Variants in TMEM14A observed in about 807,000 individuals in gnomAD.
The protein encoded by TMEM14A is transmembrane protein 14A.
In TMEM14A, 8 loss-of-function variants were observed where a neutral mutation model predicts 11.6. That is an observed-to-expected ratio of 0.69 (90% CI 0.40 to 1.24). TMEM14A has a LOEUF of 1.24. Among genes scored for constraint, TMEM14A ranks in the 50% most tolerant of loss-of-function variants. The pLI is 0.01. For synonymous variants in TMEM14A, 34 were observed against 45.5 expected (o/e 0.75, Z 1.02); for missense variants, 108 against 121.9 (o/e 0.89, Z 0.54).
rs988022839 is a variant in TMEM14A, at chr6:52,681,825, C to T, written c.83C>T (p.Ser28Phe). The T allele has an allele frequency of 6.2e-7, 1 of 1,613,926 alleles. No homozygotes were observed. The change falls in exon 3 of 5, where the codon TCT becomes TTT. Residue 28 changes from serine (S) to phenylalanine (F), a missense_variant. Physicochemically the swap from Ser to Phe is radical, Grantham distance 155. Coordinates refer to ENST00000211314, the MANE Select transcript of TMEM14A (RefSeq NM_014051.4). ...FGYKRRGGVP[S>F]LIAGLFVGCL... is the part of the protein sequence containing the mutation. ...TTTCCCCTTCCAGGTGGTGTTCCGT[C>T]TTTGATTGCTGGTCTTTTTGTTGGA...
chr6:52,675,903 C>A (rs1769248152), intron 1 of TMEM14A, among the ~76,000 whole-genome samples: 2 of 152,228 alleles, frequency 1.3e-5, no homozygotes, highest in African/African-American at 4.8e-5. Flanking sequence ...TTTGATAGTA[C>A]AGACTAGAGT....
chr6:52,675,328 T>G (rs887227363), intron 1 of TMEM14A, among the ~76,000 whole-genome samples: 4 of 152,218 alleles, frequency 2.6e-5, no homozygotes, highest in Admixed American at 2.6e-4. Context: ...ATAATTACCT[T>G]CCCTGTGGAA....
intron 1 of TMEM14A, among the ~76,000 whole-genome samples, chr6:52,672,097 G>T (rs1196186557): frequency 6.6e-6 from 1 of 152,230 alleles, no homozygotes; most frequent in Non-Finnish European, 1.5e-5. Flanking sequence ...GCTGTATTGG[G>T]TAGGTCAGTT....
rs1769493165 is a variant in TMEM14A, at chr6:52,686,319, G to T, written c.*270G>T. On this transcript the variant is annotated 3_prime_UTR_variant, in exon 5 of 5. Coordinates refer to ENST00000211314, the MANE Select transcript of TMEM14A (RefSeq NM_014051.4). ...GTTGTGTCTATTTTTTATATATTTG[G>T]TATTTTTTGAAAATTCCAAATACTC... is the stretch of plus-strand genomic sequence containing the variant. The T allele has an allele frequency of 1.5e-5, 6 of 395,382 alleles. No homozygotes were observed. Among genetic ancestry groups the T allele is most frequent in the African/African-American group, 4.1e-5 (2 of 48,408 alleles). The allele number at this position is 395,382 out of a possible 1,614,324, so 24.5% of individuals were successfully genotyped here. A position where few individuals can be genotyped will look rare whatever the true frequency, so the allele number is the denominator to read the frequency against.
At chr6:52,674,331 G>C (rs1769215327) in intron 1 of TMEM14A, among the ~76,000 whole-genome samples, 1 of 152,168 alleles carries the variant, frequency 6.6e-6, no homozygotes, top group South Asian at 2.1e-4. Context: ...GAACATGTTT[G>C]GTTTACATGT....
intron 2 of TMEM14A, among the ~76,000 whole-genome samples, chr6:52,680,597 A>ATATT (rs1398323280): frequency 3.1e-5 from 3 of 97,338 alleles, no homozygotes; most frequent in Admixed American, 1.1e-4. Flanking sequence ...ATATATTTAT[A>ATATT]TATATATATA....
chr6:52,685,904 A>G, intron 4 of TMEM14A, 106 bp from the exon 5 acceptor site: 3 of 1,023,904 alleles, frequency 2.9e-6, no homozygotes, highest in Non-Finnish European at 4.2e-6. Flanking sequence ...GAGAGCCCCC[A>G]AGCCAAGGAT....
intron 2 of TMEM14A, among the ~76,000 whole-genome samples, chr6:52,678,204 A>G (rs897868715): frequency 1.4e-4 from 22 of 152,230 alleles, no homozygotes; most frequent in African/African-American, 5.1e-4. Flanking sequence ...TTTCACTGTC[A>G]AAGACAATGT....
chr6:52,671,474 C>G (rs1408365546), intron 1 of TMEM14A, among the ~76,000 whole-genome samples: 1 of 151,966 alleles, frequency 6.6e-6, no homozygotes, highest in African/African-American at 2.4e-5. Context: ...CCTAAATATC[C>G]CACCTATCCT....
At chr6:52,680,669 GTA>G (rs749318698) in intron 2 of TMEM14A, among the ~76,000 whole-genome samples, 5,252 of 35,022 alleles carry the variant, frequency 0.15, 949 homozygotes, top group Non-Finnish European at 0.2. Context: ...ATATATATGT[GTA>G]TATATATATA....
intron 2 of TMEM14A, among the ~76,000 whole-genome samples, chr6:52,680,682 T>TATAC (rs1561875101): frequency 2.0e-5 from 1 of 50,782 alleles, no homozygotes; most frequent in African/African-American, 6.5e-5. Flanking sequence ...TATATATATA[T>TATAC]ACATATATGT....
rs62405930 is a variant in TMEM14A, at chr6:52,672,448, G to A, written c.-17+1203G>A. On this transcript the variant is annotated intron_variant, in intron 1 of 4. Transcript: ENST00000211314. ...AATGAAAGAACTCTCATAAGCTTCA[G>A]ATCTGTATGTAAGGGTGTTTTCCGG... Among the ~76,000 whole-genome samples, 909 of 150,278 alleles carry A rather than the reference G, an allele frequency of 6.0e-3. 2 individuals are homozygous for A. The highest frequency in any genetic ancestry group is 0.014 in the South Asian group (69 of 4,778).
chr6:52,686,565 A>G lies in TMEM14A; in HGVS notation c.*516A>G. On this transcript the variant is annotated 3_prime_UTR_variant, in exon 5 of 5. Transcript: ENST00000211314. ...TCCTAACTGAATGTATTCAGTATTC[A>G]AATAAAAGACATTTTGGTTCAAACC... 1 of 370,670 alleles carries G rather than the reference A, an allele frequency of 2.7e-6. No individual in the cohort carries two copies. Among genetic ancestry groups the G allele is most frequent in the Non-Finnish European group, 4.8e-6 (1 of 206,396 alleles). 23.0% of individuals were successfully genotyped at this position (370,670 alleles called of 1,614,324 possible).
rs1198721164 is a variant in TMEM14A, at chr6:52,684,061, A to G, written c.173-17A>G. 6.2e-7 allele frequency: 1 copy of G among 1,609,560 alleles called. No homozygotes were observed. Among genetic ancestry groups the G allele is most frequent in the South Asian group, 1.1e-5 (1 of 90,062 alleles). On this transcript the variant is annotated splice_polypyrimidine_tract_variant and intron_variant, in intron 3 of 4. Transcript: ENST00000211314. Reference sequence around the variant, plus strand: ...ACATGTTTGAAACTCTGGTTCATGAATTAGTTTGGTTTTCAGTTACAGCTT... The same window carrying G: ...ACATGTTTGAAACTCTGGTTCATGAGTTAGTTTGGTTTTCAGTTACAGCTT...
intron 2 of TMEM14A, among the ~76,000 whole-genome samples, chr6:52,680,691 G>GTATATATATATACATATATGTA (rs1769368165): frequency 5.7e-5 from 2 of 35,316 alleles, no homozygotes; most frequent in African/African-American, 1.5e-4. Flanking sequence ...ATACATATAT[G>GTATATATATATACATATATGTA]TATATATATA....
Position 52,686,158 on chromosome 6 carries a change from A to T in TMEM14A, c.*109A>T. The T allele has an allele frequency of 8.4e-6, 9 of 1,067,356 alleles. No homozygotes were observed. Among genetic ancestry groups the T allele is most frequent in the Non-Finnish European group, 1.2e-5 (9 of 744,232 alleles). 66.1% of individuals were successfully genotyped at this position (1,067,356 alleles called of 1,614,324 possible). ...TTCAATATGGAATGCTAGAAACACA[A>T]ATAGCACTGTCACCTCTAATATGAA... On this transcript the variant is annotated 3_prime_UTR_variant, in exon 5 of 5. Coordinates refer to ENST00000211314, the MANE Select transcript of TMEM14A (RefSeq NM_014051.4).
intron 1 of TMEM14A, among the ~76,000 whole-genome samples, chr6:52,674,667 T>G (rs1237154896): frequency 1.3e-5 from 2 of 152,136 alleles, no homozygotes; most frequent in African/African-American, 4.8e-5. Flanking sequence ...AGCAAATGGT[T>G]TTTGGACCCA....
chr6:52,677,027 T>C, intron 1 of TMEM14A, 60 bp from the exon 2 acceptor site: 1 of 1,481,936 alleles, frequency 6.7e-7, no homozygotes, highest in East Asian at 2.3e-5. Flanking sequence ...CATTTTTAGA[T>C]ACATTCCCTC....
chr6:52,677,637 A>G (rs892545590), intron 2 of TMEM14A, among the ~76,000 whole-genome samples: 2 of 152,202 alleles, frequency 1.3e-5, no homozygotes, highest in African/African-American at 4.8e-5. Context: ...GTAATCAATT[A>G]AAGAGTTTTC....
Sources: gnomAD v4.1 joint callset for allele counts (sites outside exome capture counted in the v4.1 genomes callset) on GRCh38, gnomAD v4.1.1 for gene constraint, MANE v1.5 for transcripts, NCBI Gene and HGNC (gene_info 2026-07-23, HGNC 2026-07-21) for gene names.